The following EPB41L3 variants were observed in gnomAD, a reference collection of about 807,000 sequenced individuals.
EPB41L3 encodes the protein erythrocyte membrane protein band 4.1 like 3, also known as band 4.1-like protein 3.
In EPB41L3, 57 loss-of-function variants were observed where a neutral mutation model predicts 127.1. That is an observed-to-expected ratio of 0.45 (90% CI 0.36 to 0.56). EPB41L3 has a LOEUF of 0.56. Ranked by LOEUF, EPB41L3 falls within the 20% of genes least tolerant of loss-of-function variation. The pLI, the probability that EPB41L3 is intolerant of heterozygous loss-of-function variation, is 0.00. For missense variants in EPB41L3, 1,273 were observed against 1,372.2 expected, an observed-to-expected ratio of 0.93 and a Z score of 1.14; for synonymous variants, 572 against 549.5, an observed-to-expected ratio of 1.04 and a Z score of -0.57.
chr18:5,470,684 A>T (rs568145944), intron 3 of EPB41L3, among the ~76,000 whole-genome samples: 1 of 152,218 alleles, frequency 6.6e-6, no homozygotes, highest in African/African-American at 2.4e-5. Flanking sequence ...CTTGTCTCCT[A>T]CCTCGTTGAA....
At chr18:5,422,082 C>T (rs1207278807) in intron 11 of EPB41L3, among the ~76,000 whole-genome samples, 1 of 152,030 alleles carries the variant, frequency 6.6e-6, no homozygotes, top group African/African-American at 2.4e-5. Flanking sequence ...ACAACAGCCC[C>T]GTCAAAGGCG....
chr18:5,510,641 C>T (rs754678219), intron 1 of EPB41L3, among the ~76,000 whole-genome samples: 3 of 152,158 alleles, frequency 2.0e-5, no homozygotes, highest in Non-Finnish European at 2.9e-5. Flanking sequence ...TATTATCCTG[C>T]GCCGCATTCT....
chr18:5,562,202 TAA>T (rs984247933), intron 3 of EPB41L3, among the ~76,000 whole-genome samples: 1 of 152,212 alleles, frequency 6.6e-6, no homozygotes, highest in Non-Finnish European at 1.5e-5. Context: ...TGTGTATTTA[TAA>T]GATGCTAACA....
chr18:5,566,222 T>G (rs1414275306), intron 3 of EPB41L3, among the ~76,000 whole-genome samples: 1 of 152,148 alleles, frequency 6.6e-6, no homozygotes, highest in Admixed American at 6.5e-5. Context: ...AACCCCATCA[T>G]CTCAGCCCAA....
intron 16 of EPB41L3, among the ~76,000 whole-genome samples, chr18:5,406,348 G>A (rs2075383150): frequency 6.6e-6 from 1 of 152,200 alleles, no homozygotes; most frequent in Admixed American, 6.5e-5. Flanking sequence ...AAAGCCTGGT[G>A]TAATATCTCA....
At chr18:5,426,226 T>A (rs1426635213) in intron 9 of EPB41L3, among the ~76,000 whole-genome samples, 1 of 152,192 alleles carries the variant, frequency 6.6e-6, no homozygotes, top group Non-Finnish European at 1.5e-5. Flanking sequence ...TCTGTTCAAC[T>A]CCTTCCTATG....
Position 5,566,788 on chromosome 18 carries a change from T to TATTCCATTCCATTCC in EPB41L3, c.-306+45537_-306+45551dup, listed in dbSNP as rs796587423. Among the ~76,000 whole-genome samples the TATTCCATTCCATTCC allele has an allele frequency of 3.2e-3, 356 of 112,422 alleles. 3 individuals carry two copies. The highest frequency in any genetic ancestry group is 4.9e-3 in the Middle Eastern group (1 of 204). The allele number at this position is 112,422 out of a possible 152,430, so 73.8% of individuals were successfully genotyped here. ...TATTCTATTCTATTCTATTCTATTC[T>TATTCCATTCCATTCC]ATTCCATTCCATTCCATTCTAATTT... On this transcript the variant is annotated intron_variant, in intron 3 of 21. Transcript: ENST00000545076.
At chr18:5,590,290 A>C (rs907403568) in intron 3 of EPB41L3, among the ~76,000 whole-genome samples, 1 of 152,138 alleles carries the variant, frequency 6.6e-6, no homozygotes, top group Non-Finnish European at 1.5e-5. Flanking sequence ...CTGCAGAGTA[A>C]TCAGTAGCTC....
intron 3 of EPB41L3, among the ~76,000 whole-genome samples, chr18:5,574,920 C>G (rs868377611): frequency 6.6e-6 from 1 of 152,110 alleles, no homozygotes; most frequent in Admixed American, 6.5e-5. Flanking sequence ...AAGCCAATCA[C>G]CAAACCTGGG....
chr18:5,589,609 T>C (rs1395278661), intron 3 of EPB41L3, among the ~76,000 whole-genome samples: 2 of 152,332 alleles, frequency 1.3e-5, no homozygotes, highest in Non-Finnish European at 1.5e-5. Context: ...GAGAAACCTT[T>C]CCATTGTTTA....
chr18:5,477,841 A>G (rs909270705), intron 3 of EPB41L3, among the ~76,000 whole-genome samples: 7 of 152,160 alleles, frequency 4.6e-5, no homozygotes, highest in Non-Finnish European at 1.0e-4. Context: ...CACCACCCCT[A>G]TGTACAGAAT....
At chr18:5,400,917 T>G in intron 16 of EPB41L3, 2 of 1,136,472 alleles carry the variant, frequency 1.8e-6, no homozygotes, top group Non-Finnish European at 2.5e-6. Context: ...TTAATGACAC[T>G]GAAGTCTGAA....
intron 3 of EPB41L3, among the ~76,000 whole-genome samples, chr18:5,452,075 C>T (rs2082348976): frequency 6.6e-6 from 1 of 152,084 alleles, no homozygotes; most frequent in African/African-American, 2.4e-5. Context: ...AACTCCCTGA[C>T]CTCAAGTGAT....
At chr18:5,546,388 G>A (rs2093882128), upstream of EPB41L3, among the ~76,000 whole-genome samples, 1 of 151,946 alleles carries the variant, frequency 6.6e-6, no homozygotes, top group African/African-American at 2.4e-5. Flanking sequence ...AAAATTAGCT[G>A]GGCATAGTGG....
chr18:5,484,693 C>T (rs907541729), intron 2 of EPB41L3, among the ~76,000 whole-genome samples: 1 of 151,514 alleles, frequency 6.6e-6, no homozygotes, highest in African/African-American at 2.4e-5. Context: ...GACTCATTAG[C>T]GACTATTATG....
At chr18:5,539,810 T>C (rs1006087103) in intron 1 of EPB41L3, 2 of 152,242 alleles carry the variant, frequency 1.3e-5, no homozygotes, top group African/African-American at 4.8e-5. Context: ...ATCTCTGCAC[T>C]AGAATTCTAA....
At chr18:5,566,797 C>G (rs2094212041) in intron 3 of EPB41L3, among the ~76,000 whole-genome samples, 1 of 149,852 alleles carries the variant, frequency 6.7e-6, no homozygotes, top group Non-Finnish European at 1.5e-5. Flanking sequence ...CTATTCCATT[C>G]CATTCCATTC....
upstream of EPB41L3, chr18:5,544,038 T>C (rs1486872011): frequency 2.0e-6 from 2 of 985,360 alleles, no homozygotes; most frequent in Non-Finnish European, 2.4e-6. Context: ...TGCTCGCCGC[T>C]GTTCCCCCCG....
chr18:5,409,004 G>A (rs936308131), intron 14 of EPB41L3, among the ~76,000 whole-genome samples: 1 of 152,154 alleles, frequency 6.6e-6, no homozygotes, highest in Non-Finnish European at 1.5e-5. Context: ...AAATCATTTA[G>A]TCTATCTAGG....
Sources: allele counts gnomAD v4.1 joint callset (sites outside exome capture counted in the v4.1 genomes callset), GRCh38; gene constraint gnomAD v4.1.1; transcripts MANE v1.5; gene names NCBI Gene and HGNC (gene_info 2026-07-23, HGNC 2026-07-21).